The following ACSL4 variants were observed in gnomAD, a reference collection of about 807,000 sequenced individuals.
ACSL4 encodes long-chain-fatty-acid--CoA ligase 4.
Under a neutral mutation model 49.1 loss-of-function variants are expected in ACSL4, and 9 were observed. That is an observed-to-expected ratio of 0.18 (90% confidence interval 0.11 to 0.32). ACSL4 has a LOEUF of 0.32. Ranked by LOEUF, ACSL4 falls within the 10% of genes least tolerant of loss-of-function variation. ACSL4 has a pLI of 1.00. For missense variants in ACSL4, 333 were observed against 493.7 expected, an observed-to-expected ratio of 0.67 and a Z score of 3.08; for synonymous variants, 191 against 170.3, an observed-to-expected ratio of 1.12 and a Z score of -0.95.
chrX:109,687,955 G>A (rs1406001802), intron 2 of ACSL4, among the ~76,000 whole-genome samples: 3 of 111,276 alleles, frequency 2.7e-5, no homozygotes, highest in Non-Finnish European at 5.7e-5. Flanking sequence ...CTGTACCTAT[G>A]CAGCTGAATT....
In ACSL4 at chrX:109,643,164, T is replaced by C. The variant is rs904536389; in HGVS notation, c.*865A>G. ...CAAGGGTTCTAATTCCAAATACTTA[T>C]GATTTTATCACCTTTTCTAAGAGAA... On this transcript the variant is annotated 3_prime_UTR_variant, in exon 16 of 16. Coordinates refer to ENST00000672401, the MANE Select transcript of ACSL4 (RefSeq NM_001318510.2). The C allele has an allele frequency of 1.8e-5, 2 of 112,197 alleles. No homozygotes were observed. The highest frequency in any genetic ancestry group is 3.2e-5 in the African/African-American group (1 of 30,849). 9.2% of individuals were successfully genotyped at this position (112,197 alleles called of 1,213,427 possible).
chrX:109,691,612 A>G (rs1925042465), intron 2 of ACSL4, among the ~76,000 whole-genome samples: 1 of 112,429 alleles, frequency 8.9e-6, no homozygotes, highest in Non-Finnish European at 1.9e-5. Flanking sequence ...TACAAGAGAC[A>G]TTACAATTAA....
At chrX:109,685,719 C>G (rs1201938917) in intron 2 of ACSL4, among the ~76,000 whole-genome samples, 1 of 110,316 alleles carries the variant, frequency 9.1e-6, no homozygotes, top group Non-Finnish European at 1.9e-5. Flanking sequence ...CTGCCCCTAA[C>G]TGGCTGTGTA....
chrX:109,731,185 C>A (rs1204675568), intron 1 of ACSL4, among the ~76,000 whole-genome samples: 1 of 110,927 alleles, frequency 9.0e-6, no homozygotes, highest in Non-Finnish European at 1.9e-5. Flanking sequence ...ACATTCTAGT[C>A]AACTGGTATA....
intron 1 of ACSL4, among the ~76,000 whole-genome samples, chrX:109,722,689 CTTT>C (rs758474221): frequency 9.8e-6 from 1 of 102,066 alleles, no homozygotes; most frequent in Non-Finnish European, 2.0e-5. Context: ...GTGACCATGA[CTTT>C]TTTTTTTTTT....
intron 1 of ACSL4, among the ~76,000 whole-genome samples, chrX:109,716,668 C>T (rs1409453918): frequency 1.8e-5 from 2 of 111,994 alleles, no homozygotes; most frequent in African/African-American, 6.5e-5. Context: ...CTTAAAATGC[C>T]TCAGTATAAG....
At position 109,683,295 on chromosome X, in the gene ACSL4, G is replaced by C. The variant is rs1446566410; in HGVS notation, c.69C>G (p.His23Gln). ...KPGSPYRSVTHFDSLAVIDIP... is the reference protein window; with the variant it reads ...KPGSPYRSVTQFDSLAVIDIP... ...TGTCTATTACAGCTAGTGAGTCGAA[G>C]TGTGTGACAGAGCGATATGGACTTC... The change falls in exon 3 of 16, where the codon CAC becomes CAG. Residue 23 changes from histidine (H) to glutamine (Q), a missense_variant. By Grantham distance (24) the His-to-Gln change is conservative. Transcript: ENST00000672401. 9 of 1,210,514 alleles carry C rather than the reference G, an allele frequency of 7.4e-6. No homozygotes were observed. The highest frequency in any genetic ancestry group is 1.7e-5 in the African/African-American group (1 of 57,322).
chrX:109,730,505 T>C (rs764356435), intron 1 of ACSL4, among the ~76,000 whole-genome samples: 42 of 111,948 alleles, frequency 3.8e-4, no homozygotes, highest in Non-Finnish European at 6.8e-4. Context: ...ATAAACTGGA[T>C]GTACATCTGT....
intron 1 of ACSL4, among the ~76,000 whole-genome samples, chrX:109,718,712 C>T (rs745861479): frequency 3.8e-4 from 41 of 106,566 alleles, no homozygotes; most frequent in African/African-American, 1.2e-3. Flanking sequence ...CGAGGTCACA[C>T]CATTGCACTT....
intron 1 of ACSL4, among the ~76,000 whole-genome samples, chrX:109,715,359 C>G (rs1442470372): frequency 9.1e-6 from 1 of 109,536 alleles, no homozygotes; most frequent in African/African-American, 3.3e-5. Context: ...ATAAAACAGG[C>G]CAGGCACAGT....
intron 1 of ACSL4, among the ~76,000 whole-genome samples, chrX:109,728,487 C>T (rs1451283765): frequency 1.8e-5 from 2 of 112,485 alleles, no homozygotes; most frequent in Non-Finnish European, 3.8e-5. Context: ...GCATATCATG[C>T]GTCTATTTAA....
chrX:109,650,875 T>C (rs1225400717), intron 15 of ACSL4, among the ~76,000 whole-genome samples: 1 of 111,887 alleles, frequency 8.9e-6, no homozygotes, highest in Non-Finnish European at 1.9e-5. Context: ...CCTCCATAAA[T>C]ACATACAAGT....
At chrX:109,672,217 T>A (rs1473027836) in intron 9 of ACSL4, among the ~76,000 whole-genome samples, 1 of 105,079 alleles carries the variant, frequency 9.5e-6, no homozygotes, top group Non-Finnish European at 1.9e-5. Flanking sequence ...CCCCCATCAT[T>A]CCCTAGCAGG....
chrX:109,688,823 CTT>C (rs372048467), intron 2 of ACSL4, among the ~76,000 whole-genome samples: 3 of 103,170 alleles, frequency 2.9e-5, no homozygotes, highest in Admixed American at 2.1e-4. Context: ...CCTTTTCAGT[CTT>C]TTTTTTTTTT....
chrX:109,655,725 T>C (rs112669318), intron 15 of ACSL4, among the ~76,000 whole-genome samples: 2,776 of 111,258 alleles, frequency 0.025, 45 homozygotes, highest in Middle Eastern at 0.06. Context: ...TACATCATTA[T>C]GAACTATCAA....
intron 2 of ACSL4, chrX:109,685,471 C>T (rs184867703): frequency 7.2e-5 from 8 of 111,238 alleles, no homozygotes; most frequent in African/African-American, 2.3e-4. Flanking sequence ...CATATTTCAA[C>T]CAGAAAAATC....
chrX:109,670,204 G>A (rs1923057074), intron 9 of ACSL4, among the ~76,000 whole-genome samples: 1 of 111,880 alleles, frequency 8.9e-6, no homozygotes, highest in South Asian at 3.7e-4. Context: ...ACAAATTAAG[G>A]TATGCTATAA....
intron 3 of ACSL4, 100 bp downstream of exon 3, chrX:109,683,036 T>C (rs1209028055): frequency 3.5e-5 from 36 of 1,027,448 alleles, no homozygotes; most frequent in Non-Finnish European, 4.5e-5. Flanking sequence ...TACACAGCAC[T>C]ATAATAGAAT....
At chrX:109,647,889 C>A (rs1413147360) in intron 15 of ACSL4, among the ~76,000 whole-genome samples, 1 of 111,085 alleles carries the variant, frequency 9.0e-6, no homozygotes, top group Admixed American at 9.5e-5. Flanking sequence ...GAGAATACTA[C>A]AAACACCTCT....
Sources: gnomAD v4.1 joint callset for allele counts (sites outside exome capture counted in the v4.1 genomes callset) on GRCh38, gnomAD v4.1.1 for gene constraint, MANE v1.5 for transcripts, NCBI Gene and HGNC (gene_info 2026-07-23, HGNC 2026-07-21) for gene names.